Variants in CHST12 observed in about 807,000 individuals in gnomAD.
CHST12 encodes carbohydrate sulfotransferase 12, also known as carbohydrate (chondroitin 4) sulfotransferase 12.
CHST12 carries 23 observed loss-of-function variants against 27.9 expected under a neutral mutation model. The observed-to-expected ratio is 0.82, with a 90% CI of 0.59 to 1.17. The LOEUF (loss-of-function observed/expected upper bound fraction) is 1.17. CHST12 is among the 50% of genes most tolerant of loss of function. CHST12 has a pLI of 0.00. For synonymous variants in CHST12, 322 were observed against 273.0 expected (o/e 1.18, Z -1.77); for missense variants, 682 against 603.0 (o/e 1.13, Z -1.37).
At position 2,434,466 on chromosome 7, in the gene CHST12, GC is replaced by G. The variant is rs1240696236; in HGVS notation, c.*584del. On this transcript the variant is annotated 3_prime_UTR_variant, in exon 2 of 2. Coordinates refer to ENST00000618655, the MANE Select transcript of CHST12 (RefSeq NM_018641.5). Reference sequence around the variant, plus strand: ...TCTAGTTTAAATTATGGCTGTTAAGGCCGGGCGGGTGACTCAGGCAGGTAAT... The same window carrying G: ...TCTAGTTTAAATTATGGCTGTTAAGGCGGGCGGGTGACTCAGGCAGGTAAT... 1.8e-5 allele frequency: 3 copies of G among 167,186 alleles called. No homozygotes were observed. Among genetic ancestry groups the G allele is most frequent in the African/African-American group, 7.3e-5 (3 of 41,260 alleles). 10.4% of individuals were successfully genotyped at this position (167,186 alleles called of 1,614,324 possible).
At chr7:2,409,007 TA>T (rs1437564726) in intron 1 of CHST12, among the ~76,000 whole-genome samples, 1 of 152,160 alleles carries the variant, frequency 6.6e-6, no homozygotes, top group East Asian at 1.9e-4. Flanking sequence ...GGATTAGTGA[TA>T]AGTACTAAAC....
chr7:2,409,444 G>A (rs1182808280), intron 1 of CHST12, among the ~76,000 whole-genome samples: 1 of 152,094 alleles, frequency 6.6e-6, no homozygotes, highest in Non-Finnish European at 1.5e-5. Context: ...GCGAAACCCT[G>A]TCTCTACTGA....
intron 1 of CHST12, among the ~76,000 whole-genome samples, chr7:2,430,293 C>A (rs1205533882): frequency 2.6e-5 from 4 of 151,748 alleles, no homozygotes; most frequent in African/African-American, 4.8e-5. Context: ...TATTTCAATT[C>A]TTTTATTTTT....
Position 2,435,163 on chromosome 7 carries a change from C to G in CHST12, c.*1279C>G, listed in dbSNP as rs1317513972. 2 of 152,334 alleles carry G rather than the reference C, an allele frequency of 1.3e-5. No homozygotes were observed. The highest frequency in any genetic ancestry group is 4.8e-5 in the African/African-American group (2 of 41,454). The allele number at this position is 152,334 out of a possible 1,614,324, so 9.4% of individuals were successfully genotyped here. On this transcript the variant is annotated 3_prime_UTR_variant, in exon 2 of 2. Coordinates refer to ENST00000618655, the MANE Select transcript of CHST12 (RefSeq NM_018641.5). Reference sequence around the variant, plus strand: ...CCCAGGAGTTCAAGGCTGCAGTGACCTATGATCGTGCCACTGCACTCCAGC... The same window carrying G: ...CCCAGGAGTTCAAGGCTGCAGTGACGTATGATCGTGCCACTGCACTCCAGC...
At chr7:2,408,335 C>A (rs1421345985) in intron 1 of CHST12, among the ~76,000 whole-genome samples, 1 of 143,516 alleles carries the variant, frequency 7.0e-6, no homozygotes, top group African/African-American at 2.6e-5. Flanking sequence ...GCACTCCAGC[C>A]CGGGCAACAA....
At chr7:2,416,620 G>A (rs919161046) in intron 1 of CHST12, among the ~76,000 whole-genome samples, 2 of 152,200 alleles carry the variant, frequency 1.3e-5, no homozygotes, top group African/African-American at 4.8e-5. Flanking sequence ...GATCTCAGTC[G>A]ATTTAGAGGT....
chr7:2,435,592 C>G lies in CHST12; in HGVS notation c.*1708C>G, dbSNP rs1470769317. The G allele has an allele frequency of 6.6e-6, 1 of 152,252 alleles. No homozygotes were observed. The highest frequency in any genetic ancestry group is 1.9e-4 in the East Asian group (1 of 5,200). 9.4% of individuals were successfully genotyped at this position (152,252 alleles called of 1,614,324 possible). On this transcript the variant is annotated 3_prime_UTR_variant, in exon 2 of 2. Transcript: ENST00000618655. ...CGTGGTGTCGGGCACCCTGCTTGAC[C>G]TGTCTTCCTCGTGTGTGGTATTTGT...
In CHST12 at chr7:2,435,596, C is replaced by G. The variant is rs1179366772; in HGVS notation, c.*1712C>G. ...GTGTCGGGCACCCTGCTTGACCTGTCTTCCTCGTGTGTGGTATTTGTCACC... is the reference window on the plus strand; with the variant it reads ...GTGTCGGGCACCCTGCTTGACCTGTGTTCCTCGTGTGTGGTATTTGTCACC... On this transcript the variant is annotated 3_prime_UTR_variant, in exon 2 of 2. Transcript: ENST00000618655. The G allele has an allele frequency of 6.6e-6, 1 of 152,264 alleles. No homozygotes were observed. The highest frequency in any genetic ancestry group is 1.5e-5 in the Non-Finnish European group (1 of 68,080). 9.4% of individuals were successfully genotyped at this position (152,264 alleles called of 1,614,324 possible).
chr7:2,404,413 C>T (rs1781466687), intron 1 of CHST12, among the ~76,000 whole-genome samples: 1 of 152,114 alleles, frequency 6.6e-6, no homozygotes, highest in South Asian at 2.1e-4. Flanking sequence ...GTGTTTCCAG[C>T]ATTATTAAAT....
In CHST12 at chr7:2,446,699, C is replaced by T. The variant is rs962041919; in HGVS notation, c.*12815C>T. 6 of 152,950 alleles carry T rather than the reference C, an allele frequency of 3.9e-5. No individual in the cohort carries two copies. Among genetic ancestry groups the T allele is most frequent in the Non-Finnish European group, 8.8e-5 (6 of 68,182 alleles). The allele number at this position is 152,950 out of a possible 1,614,324, so 9.5% of individuals were successfully genotyped here. On this transcript the variant is annotated 3_prime_UTR_variant, in exon 2 of 2. Transcript: ENST00000618655. ...TTTCTAACATTTTAACCCAGGAATC[C>T]CCCCACCAAGGGACAGAGTGCAAGG...
intron 1 of CHST12, among the ~76,000 whole-genome samples, chr7:2,412,815 A>G (rs1781700624): frequency 6.6e-6 from 1 of 152,140 alleles, no homozygotes; most frequent in African/African-American, 2.4e-5. Context: ...ACAAAGTAAT[A>G]TGTGCAAAGC....
Position 2,433,745 on chromosome 7 carries a change from G to C in CHST12, c.1106G>C (p.Arg369Pro). 1 of 1,613,820 alleles carries C rather than the reference G, an allele frequency of 6.2e-7. No individual in the cohort carries two copies. The highest frequency in any genetic ancestry group is 1.3e-5 in the African/African-American group (1 of 75,032). ...CAGCTCCGCTTCCCCCCGAGCTACC[G>C]GAACAGGACCGCCAGCAGCTGGGAG... ...DRQLRFPPSY[R>P]NRTASSWEED... The change falls in exon 2 of 2, where the codon CGG (arginine) becomes CCG (proline). Residue 369 changes from arginine (R) to proline (P), a missense_variant. Arg to Pro is a moderately radical substitution (Grantham distance 103, BLOSUM62 -2). Transcript: ENST00000618655. The surrounding 1 kb of genome is among the most constrained non-coding windows in gnomAD (Gnocchi z 6.1).
rs1013282723 is a variant in CHST12, at chr7:2,443,540, G to A, written c.*9656G>A. 2.6e-5 allele frequency: 4 copies of A among 152,188 alleles called. No homozygotes were observed. The highest frequency in any genetic ancestry group is 4.4e-5 in the Non-Finnish European group (3 of 68,040). 9.4% of individuals were successfully genotyped at this position (152,188 alleles called of 1,614,324 possible). On this transcript the variant is annotated 3_prime_UTR_variant, in exon 2 of 2. Coordinates refer to ENST00000618655, the MANE Select transcript of CHST12 (RefSeq NM_018641.5). ...ATATGCCTAGGAGTAGGAGTGTGGG[G>A]TCATATGGTAATTTATCTTTAATTT...
chr7:2,410,945 G>T (rs953137249), intron 1 of CHST12, among the ~76,000 whole-genome samples: 11 of 152,252 alleles, frequency 7.2e-5, no homozygotes, highest in Admixed American at 2.0e-4. Context: ...CAGGGAGACT[G>T]GTTTGGAGCC....
At position 2,433,321 on chromosome 7, in the gene CHST12, C is replaced by T. The variant is rs1160163839; in HGVS notation, c.682C>T (p.Arg228Cys). 2.5e-6 allele frequency: 4 copies of T among 1,612,672 alleles called. No homozygotes were observed. Among genetic ancestry groups the T allele is most frequent in the East Asian group, 2.2e-5 (1 of 44,882 alleles). Residue 228 changes from arginine to cysteine, a missense_variant, in exon 2 of 2, where the codon CGC becomes TGC. Coordinates refer to ENST00000618655, the MANE Select transcript of CHST12 (RefSeq NM_018641.5). The surrounding 1 kb of genome is among the most constrained non-coding windows in gnomAD (Gnocchi z 6.1). ...KFWRRYGKLS[R>C]HLMKVKLKKY... Reference sequence around the variant, plus strand: ...CTGGCGCCGCTACGGGAAGCTCTCCCGCCACCTCATGAAGGTCAAGCTCAA... The same window carrying T: ...CTGGCGCCGCTACGGGAAGCTCTCCTGCCACCTCATGAAGGTCAAGCTCAA...
intron 1 of CHST12, among the ~76,000 whole-genome samples, chr7:2,422,756 G>A (rs1369882926): frequency 1.3e-5 from 2 of 151,226 alleles, no homozygotes; most frequent in African/African-American, 2.4e-5. Context: ...GACTGGTCTC[G>A]ATCTCTTGAC....
Position 2,441,029 on chromosome 7 carries a change from A to G in CHST12, c.*7145A>G, listed in dbSNP as rs1162922975. On this transcript the variant is annotated 3_prime_UTR_variant, in exon 2 of 2. Coordinates refer to ENST00000618655, the MANE Select transcript of CHST12 (RefSeq NM_018641.5). ...CAGGCTGTGGGGCAATGTTCTGCTT[A>G]TAATGTTTCAAGAGGTTCAAAGCGT... 6.6e-6 allele frequency: 1 copy of G among 152,196 alleles called. No homozygotes were observed. The highest frequency in any genetic ancestry group is 6.5e-5 in the Admixed American group (1 of 15,268). The allele number at this position is 152,196 out of a possible 1,614,324, so 9.4% of individuals were successfully genotyped here. A position where few individuals can be genotyped will look rare whatever the true frequency, so the allele number is the denominator to read the frequency against.
chr7:2,425,098 C>T lies in CHST12; in HGVS notation c.-77-7465C>T, dbSNP rs985108606. Among the ~76,000 whole-genome samples the T allele has an allele frequency of 7.3e-5, 11 of 149,758 alleles. No individual in the cohort carries two copies. The East Asian group carries it at 1.0e-3, about 14-fold the overall frequency. ...GCGGGCGCCTGTAGTCCCAGCTACT[C>T]GGGAGGCTGAGGCAGAAAATCGCAT... On this transcript the variant is annotated intron_variant, in intron 1 of 1. Coordinates refer to ENST00000618655, the MANE Select transcript of CHST12 (RefSeq NM_018641.5).
intron 1 of CHST12, among the ~76,000 whole-genome samples, chr7:2,420,114 C>T (rs547760471): frequency 6.6e-6 from 1 of 151,648 alleles, no homozygotes; most frequent in South Asian, 2.1e-4. Context: ...GCTGAGACTA[C>T]AGGCGCCCGT....
Sources: gnomAD v4.1 joint callset for allele counts (sites outside exome capture counted in the v4.1 genomes callset) on GRCh38, gnomAD v4.1.1 for gene constraint, Gnocchi (gnomAD v3.1) non-coding constraint, MANE v1.5 for transcripts, NCBI Gene and HGNC (gene_info 2026-07-23, HGNC 2026-07-21) for gene names.